The following C2orf92 variants were observed in gnomAD, a reference collection of about 807,000 sequenced individuals.
C2orf92 encodes the protein chromosome 2 open reading frame 92, also known as uncharacterized protein C2orf92.
chr2:97,691,925 T>G (rs1057014706), intron 5 of C2orf92, among the ~76,000 whole-genome samples: 3 of 152,168 alleles, frequency 2.0e-5, no homozygotes, highest in Non-Finnish European at 4.4e-5. Flanking sequence ...CTGAAAATAG[T>G]GTGTTTTAAT....
chr2:97,667,430 G>GTTT (rs1203203673), upstream of C2orf92, among the ~76,000 whole-genome samples: 10 of 118,812 alleles, frequency 8.4e-5, no homozygotes, highest in Non-Finnish European at 1.4e-4. Context: ...GCCCAGCTAA[G>GTTT]TTTTTTTTTT....
intron 1 of C2orf92, chr2:97,672,562 G>A (rs553709179): frequency 2.0e-5 from 3 of 151,972 alleles, no homozygotes; most frequent in East Asian, 3.9e-4. Flanking sequence ...GGCCCCATAT[G>A]TGTAGGAGGG....
intron 3 of C2orf92, among the ~76,000 whole-genome samples, chr2:97,683,076 C>CA (rs1553565169): frequency 5.6e-5 from 8 of 143,164 alleles, no homozygotes; most frequent in African/African-American, 2.1e-4. Context: ...CATATAGACT[C>CA]CACACACACA....
chr2:97,686,237 AC>A (rs1675956286), intron 3 of C2orf92, among the ~76,000 whole-genome samples: 1 of 152,040 alleles, frequency 6.6e-6, no homozygotes, highest in Non-Finnish European at 1.5e-5. Context: ...ACGATAACTA[AC>A]CCATTCCTGT....
chr2:97,696,685 G>A (rs1027962774), intron 5 of C2orf92, among the ~76,000 whole-genome samples: 3 of 152,168 alleles, frequency 2.0e-5, no homozygotes, highest in African/African-American at 7.2e-5. Flanking sequence ...GCGGTGAGCC[G>A]AGATGGGGCC....
upstream of C2orf92, chr2:97,668,772 G>C (rs1385141346): frequency 6.6e-6 from 1 of 152,256 alleles, no homozygotes; most frequent in Admixed American, 6.6e-5. Context: ...TCCTGCCTCA[G>C]CTTCCCAAGT....
At chr2:97,681,106 C>CAAA (rs58856044) in intron 3 of C2orf92, among the ~76,000 whole-genome samples, 228 of 11,958 alleles carry the variant, frequency 0.019, 25 homozygotes, top group East Asian at 0.075. Flanking sequence ...GACTCCATCT[C>CAAA]AAAAAAAAAA....
intron 3 of C2orf92, among the ~76,000 whole-genome samples, chr2:97,678,051 T>G (rs1573206872): frequency 6.6e-6 from 1 of 151,836 alleles, no homozygotes; most frequent in South Asian, 2.1e-4. Flanking sequence ...ATACAAAAAA[T>G]TAGCAGGGCG....
chr2:97,671,327 G>A (rs1675404248), intron 1 of C2orf92: 1 of 330,776 alleles, frequency 3.0e-6, no homozygotes, highest in Admixed American at 5.7e-5. Context: ...TTTATTTTTT[G>A]TAGAGTCGGG....
At chr2:97,678,326 C>CA (rs1309598700) in intron 3 of C2orf92, among the ~76,000 whole-genome samples, 1 of 150,740 alleles carries the variant, frequency 6.6e-6, no homozygotes, top group Non-Finnish European at 1.5e-5. Context: ...TGTGGGGCAC[C>CA]ATCAAGCATA....
chr2:97,664,112 G>A (rs577350640), upstream of C2orf92: 2 of 271,940 alleles, frequency 7.4e-6, no homozygotes, highest in East Asian at 1.2e-4. Context: ...CCCGGGGCTG[G>A]CTGCGCGAAG....
intron 5 of C2orf92, among the ~76,000 whole-genome samples, chr2:97,692,144 G>C (rs1676160797): frequency 6.6e-6 from 1 of 152,090 alleles, no homozygotes; most frequent in Non-Finnish European, 1.5e-5. Flanking sequence ...TGCTAGAAAT[G>C]GGAATGCCTT....
At chr2:97,675,045 A>C (rs989589871) in intron 2 of C2orf92, among the ~76,000 whole-genome samples, 1 of 152,212 alleles carries the variant, frequency 6.6e-6, no homozygotes, top group African/African-American at 2.4e-5. Context: ...TGCCCAGAGA[A>C]GCAGAGCTGA....
intron 5 of C2orf92, among the ~76,000 whole-genome samples, chr2:97,690,574 G>A (rs1241565881): frequency 6.6e-6 from 1 of 151,834 alleles, no homozygotes; most frequent in African/African-American, 2.4e-5. Flanking sequence ...GTAGAGACAG[G>A]GTTTCACCGT....
intron 5 of C2orf92, among the ~76,000 whole-genome samples, chr2:97,690,623 C>A (rs1442448871): frequency 6.6e-6 from 1 of 152,028 alleles, no homozygotes; most frequent in East Asian, 1.9e-4. Flanking sequence ...CCTCGTGATC[C>A]ACCTGCCTTG....
At chr2:97,665,123 A>G (rs1323258806), upstream of C2orf92, among the ~76,000 whole-genome samples, 1 of 152,206 alleles carries the variant, frequency 6.6e-6, no homozygotes, top group Non-Finnish European at 1.5e-5. Flanking sequence ...TGGAATTGGC[A>G]TGCAGGTAGC....
At chr2:97,680,540 T>C (rs1297079753) in intron 3 of C2orf92, among the ~76,000 whole-genome samples, 5 of 152,184 alleles carry the variant, frequency 3.3e-5, no homozygotes, top group Non-Finnish European at 7.3e-5. Context: ...GTGGCTGTAT[T>C]ATTTTCAGAC....
At chr2:97,700,018 G>A (rs1214247648) in intron 6 of C2orf92, among the ~76,000 whole-genome samples, 2 of 152,182 alleles carry the variant, frequency 1.3e-5, no homozygotes, top group Non-Finnish European at 2.9e-5. Context: ...CTCTCCACAC[G>A]AAACCAGCCG....
upstream of C2orf92, chr2:97,669,094 G>A (rs1179661238): frequency 6.6e-6 from 1 of 152,086 alleles, no homozygotes; most frequent in Non-Finnish European, 1.5e-5. Flanking sequence ...TGAACATGGA[G>A]AAAAAACTAG....
Sources: allele counts gnomAD v4.1 joint callset (sites outside exome capture counted in the v4.1 genomes callset), GRCh38; gene constraint gnomAD v4.1.1; transcripts MANE v1.5; gene names NCBI Gene and HGNC (gene_info 2026-07-23, HGNC 2026-07-21).